TCEA3: variants seen among roughly 807,000 people sequenced by gnomAD.
TCEA3 encodes the protein transcription elongation factor A3, also known as transcription elongation factor A protein 3.
A neutral mutation model predicts 44.0 loss-of-function variants in TCEA3; 36 were observed. The ratio of observed to expected loss-of-function variants is 0.82; its 90% confidence interval spans 0.63 to 1.08. The LOEUF (loss-of-function observed/expected upper bound fraction) is 1.08, where lower values mean the gene tolerates loss of function less well. Among genes scored for constraint, TCEA3 ranks in the 50% least tolerant of loss-of-function variants. The pLI is 0.00. For missense variants in TCEA3, 392 were observed against 441.2 expected (o/e 0.89, Z 1.00); for synonymous variants, 162 against 159.7 (o/e 1.01, Z -0.11).
At chr1:23,384,266 C>T in intron 10 of TCEA3, 80 bp downstream of exon 10, 4 of 1,609,956 alleles carry the variant, frequency 2.5e-6, no homozygotes, top group Non-Finnish European at 3.4e-6. Context: ...AAGGCCCCTT[C>T]TGGGTTGTGG....
At chr1:23,396,184 C>G (rs189856360) in intron 7 of TCEA3, among the ~76,000 whole-genome samples, 1 of 152,162 alleles carries the variant, frequency 6.6e-6, no homozygotes, top group African/African-American at 2.4e-5. Context: ...GCAAATTTGT[C>G]GTCTGCAGAT....
At chr1:23,414,904 G>A (rs1639841311) in intron 4 of TCEA3, among the ~76,000 whole-genome samples, 1 of 151,760 alleles carries the variant, frequency 6.6e-6, no homozygotes, top group Non-Finnish European at 1.5e-5. Context: ...CAGAGAAGAA[G>A]GCCATAAGTG....
intron 5 of TCEA3, among the ~76,000 whole-genome samples, chr1:23,403,198 A>G (rs1037618088): frequency 1.3e-5 from 2 of 152,248 alleles, no homozygotes; most frequent in East Asian, 1.9e-4. Flanking sequence ...AGGAGCCCCA[A>G]CGAATGACAG....
chr1:23,409,277 C>A (rs1159630162), intron 4 of TCEA3, among the ~76,000 whole-genome samples: 1 of 152,132 alleles, frequency 6.6e-6, no homozygotes, highest in African/African-American at 2.4e-5. Flanking sequence ...GCAAGAAAAC[C>A]AATGCATAGG....
chr1:23,421,254 T>C (rs2148587457), intron 1 of TCEA3, among the ~76,000 whole-genome samples: 1 of 152,302 alleles, frequency 6.6e-6, no homozygotes, highest in East Asian at 1.9e-4. Flanking sequence ...TTATTCCCAT[T>C]CTTACAGAAT....
intron 1 of TCEA3, 28 bp downstream of exon 1, chr1:23,424,537 G>T: frequency 1.3e-6 from 2 of 1,594,066 alleles, no homozygotes; most frequent in Non-Finnish European, 1.7e-6. Flanking sequence ...CGGGGGCGGG[G>T]GCCGTGGCCC....
intron 10 of TCEA3, among the ~76,000 whole-genome samples, chr1:23,382,493 T>C (rs1263316713): frequency 8.5e-5 from 13 of 152,154 alleles, no homozygotes; most frequent in Admixed American, 8.5e-4. Context: ...TTTTGTATGG[T>C]TGTATAATTT....
intron 8 of TCEA3, among the ~76,000 whole-genome samples, chr1:23,389,123 A>T (rs114341519): frequency 3.3e-5 from 5 of 152,216 alleles, no homozygotes; most frequent in African/African-American, 1.2e-4. Flanking sequence ...CCATTTACCC[A>T]TATGAGTAAA....
rs768162097 is a variant in TCEA3 at position 23,408,718 on chromosome 1, G to A, written c.389C>T (p.Ser130Phe). ...GGAGGCAGAAGACTTGGAGTCCACA[G>A]AGTCTCTCCTGAAAGAAGAAAATTG... The part of the protein sequence containing the change: ...KREDPKTRRD[S>F]VDSKSSASSS... Residue 130 changes from serine (S) to phenylalanine (F), a missense_variant, in exon 5 of 11, where the codon TCT becomes TTT. By Grantham distance (155) the Ser-to-Phe change is radical. Transcript: ENST00000450454. 13 of 1,609,008 alleles carry A rather than the reference G, an allele frequency of 8.1e-6. No individual in the cohort carries two copies. Among genetic ancestry groups the A allele is most frequent in the Non-Finnish European group, 1.1e-5 (13 of 1,177,752 alleles).
At chr1:23,404,601 T>C (rs1364234394) in intron 5 of TCEA3, among the ~76,000 whole-genome samples, 1 of 152,108 alleles carries the variant, frequency 6.6e-6, no homozygotes, top group Non-Finnish European at 1.5e-5. Context: ...ATGGGTGAGC[T>C]ACAAATATGT....
intron 10 of TCEA3, among the ~76,000 whole-genome samples, chr1:23,382,392 TG>T (rs1638692526): frequency 6.6e-6 from 1 of 152,182 alleles, no homozygotes; most frequent in Non-Finnish European, 1.5e-5. Flanking sequence ...TTAAGTGACT[TG>T]CCCAAACTCC....
intron 8 of TCEA3, among the ~76,000 whole-genome samples, chr1:23,392,475 C>CATACTCCACACATCATACA (rs796674857): frequency 8.4e-5 from 1 of 11,842 alleles, no homozygotes. Flanking sequence ...ATCATACACA[C>CATACTCCACACATCATACA]CACACACTCC....
intron 8 of TCEA3, among the ~76,000 whole-genome samples, chr1:23,390,930 C>G (rs1271604835): frequency 6.6e-6 from 1 of 151,786 alleles, no homozygotes; most frequent in African/African-American, 2.4e-5. Context: ...AGAGCCTACT[C>G]CATTCTTTGC....
chr1:23,413,996 A>ATG (rs1639812693), intron 4 of TCEA3, among the ~76,000 whole-genome samples: 1 of 147,630 alleles, frequency 6.8e-6, no homozygotes, highest in Non-Finnish European at 1.5e-5. Context: ...GTATATATAT[A>ATG]TATATATATA....
intron 5 of TCEA3, among the ~76,000 whole-genome samples, chr1:23,401,529 T>C (rs1639393037): frequency 1.3e-5 from 2 of 152,066 alleles, no homozygotes; most frequent in Admixed American, 1.3e-4. Context: ...GAGGAAAGGC[T>C]GGACAGGGCG....
At chr1:23,381,861 C>T (rs1638680117) in intron 10 of TCEA3, among the ~76,000 whole-genome samples, 1 of 152,128 alleles carries the variant, frequency 6.6e-6, no homozygotes, top group African/African-American at 2.4e-5. Context: ...TGGATCCTGT[C>T]CCTCCAACTA....
chr1:23,404,821 C>T (rs552933987), intron 5 of TCEA3, among the ~76,000 whole-genome samples: 1 of 151,944 alleles, frequency 6.6e-6, no homozygotes, highest in Admixed American at 6.6e-5. Flanking sequence ...TTTAAGTTAG[C>T]TGGGTGTGGT....
At chr1:23,404,623 A>T (rs1244785215) in intron 5 of TCEA3, among the ~76,000 whole-genome samples, 1 of 151,830 alleles carries the variant, frequency 6.6e-6, no homozygotes, top group East Asian at 1.9e-4. Flanking sequence ...TTGTCTCCCT[A>T]TTGTGTCTTA....
chr1:23,399,136 G>GTATATATA (rs1191975371), intron 5 of TCEA3, among the ~76,000 whole-genome samples: 7 of 58,680 alleles, frequency 1.2e-4, no homozygotes, highest in African/African-American at 2.6e-4. Flanking sequence ...TTATATATAT[G>GTATATATA]TATATATGTA....
Sources: allele counts gnomAD v4.1 joint callset (sites outside exome capture counted in the v4.1 genomes callset), GRCh38; gene constraint gnomAD v4.1.1; transcripts MANE v1.5; gene names NCBI Gene and HGNC (gene_info 2026-07-23, HGNC 2026-07-21).